The following CHAF1A variants were observed in gnomAD, a reference collection of about 807,000 sequenced individuals.
CHAF1A encodes chromatin assembly factor 1 subunit A, also known as CAF-1 subunit A.
A neutral mutation model predicts 93.2 loss-of-function variants in CHAF1A; 5 were observed. That is an observed-to-expected ratio of 0.05 (90% CI 0.03 to 0.11). The LOEUF (loss-of-function observed/expected upper bound fraction) is 0.11. Ranked by LOEUF, CHAF1A falls within the 10% of genes least tolerant of loss-of-function variation. The pLI is 1.00. For missense variants in CHAF1A, 1,102 were observed against 1,259.9 expected, an observed-to-expected ratio of 0.87 and a Z score of 1.90; for synonymous variants, 504 against 510.3, an observed-to-expected ratio of 0.99 and a Z score of 0.17.
At chr19:4,437,826 A>C (rs572167036) in intron 13 of CHAF1A, among the ~76,000 whole-genome samples, 12 of 151,388 alleles carry the variant, frequency 7.9e-5, no homozygotes, top group Admixed American at 3.3e-4. Flanking sequence ...TGCAAGCTCC[A>C]CCTCCTGGGT....
chr19:4,434,181 T>C (rs551203317), intron 13 of CHAF1A, among the ~76,000 whole-genome samples: 1 of 151,870 alleles, frequency 6.6e-6, no homozygotes, highest in East Asian at 2.0e-4. Flanking sequence ...ACCCCATCTC[T>C]AAGAAAAAAT....
chr19:4,447,609 G>A (rs147341905), downstream of CHAF1A: 72 of 1,613,926 alleles, frequency 4.5e-5, no homozygotes, highest in African/African-American at 7.6e-4. Flanking sequence ...GGGTGCAGGT[G>A]GATGTTGTCC....
intron 13 of CHAF1A, among the ~76,000 whole-genome samples, chr19:4,439,657 A>G (rs1974350833): frequency 6.6e-6 from 1 of 152,214 alleles, no homozygotes; most frequent in Non-Finnish European, 1.5e-5. Flanking sequence ...ACGTCCCCAG[A>G]CACCTCCAGA....
At position 4,429,147 on chromosome 19, in the gene CHAF1A, C is replaced by T; in HGVS notation, c.1604+257C>T. 3 of 591,178 alleles carry T rather than the reference C, an allele frequency of 5.1e-6. No homozygotes were observed. The East Asian group carries it at 8.5e-5, about 17-fold the overall frequency. The allele number at this position is 591,178 out of a possible 1,614,324, so 36.6% of individuals were successfully genotyped here. On this transcript the variant is annotated intron_variant, in intron 8 of 14. Coordinates refer to ENST00000301280, the MANE Select transcript of CHAF1A (RefSeq NM_005483.3). ...CCTGCTGGTCTCCAGTGAAGGATACCCCCCAACACCTCGCTCTTGCAAATC... is the reference window on the plus strand; with the variant it reads ...CCTGCTGGTCTCCAGTGAAGGATACTCCCCAACACCTCGCTCTTGCAAATC...
intron 3 of CHAF1A, among the ~76,000 whole-genome samples, chr19:4,412,800 T>C (rs1973829976): frequency 6.6e-6 from 1 of 152,132 alleles, no homozygotes; most frequent in African/African-American, 2.4e-5. Context: ...ATCCCAACTT[T>C]TCAGATAATT....
At chr19:4,429,936 C>G in intron 10 of CHAF1A, 148 bp downstream of exon 10, 1 of 667,370 alleles carries the variant, frequency 1.5e-6, no homozygotes. Flanking sequence ...CCTGAACGCA[C>G]CTCAACATCC....
chr19:4,406,369 C>G (rs1973680406), intron 2 of CHAF1A, among the ~76,000 whole-genome samples: 1 of 152,036 alleles, frequency 6.6e-6, no homozygotes, highest in Admixed American at 6.6e-5. Flanking sequence ...TAAATGCTCC[C>G]AAATCCTTCT....
intron 12 of CHAF1A, among the ~76,000 whole-genome samples, chr19:4,432,630 C>T (rs764508154): frequency 6.6e-6 from 1 of 151,974 alleles, no homozygotes; most frequent in Non-Finnish European, 1.5e-5. Context: ...TGTGGTATCA[C>T]GCACCTGTGA....
At chr19:4,443,621 TG>T (rs1456793598), downstream of CHAF1A, among the ~76,000 whole-genome samples, 1 of 152,126 alleles carries the variant, frequency 6.6e-6, no homozygotes, top group Non-Finnish European at 1.5e-5. Context: ...TGCCCTGGGT[TG>T]GGGGGTTAGG....
intron 11 of CHAF1A, 131 bp downstream of exon 11, chr19:4,430,772 C>G: frequency 1.1e-6 from 1 of 886,732 alleles, no homozygotes; most frequent in Non-Finnish European, 1.8e-6. Context: ...ATTCCAAGCA[C>G]GCAAGCTCAC....
rs1210497842 is a variant in CHAF1A, at chr19:4,429,528, C to G, written c.1695C>G (p.Asn565Lys). 6.2e-7 allele frequency: 1 copy of G among 1,613,958 alleles called. No homozygotes were observed. The highest frequency in any genetic ancestry group is 1.1e-5 in the South Asian group (1 of 91,066). The part of the protein sequence containing the change: ...GRMKLLQFCE[N>K]HRPAYWGTWN... ...TGAAGCTCCTGCAGTTCTGTGAGAACCACCGGCCTGCCTACTGGGGTACCT... is the reference window on the plus strand; with the variant it reads ...TGAAGCTCCTGCAGTTCTGTGAGAAGCACCGGCCTGCCTACTGGGGTACCT... Residue 565 changes from asparagine to lysine, a missense_variant, in exon 9 of 15, where the codon AAC (asparagine) becomes AAG (lysine). Coordinates refer to ENST00000301280, the MANE Select transcript of CHAF1A (RefSeq NM_005483.3).
chr19:4,446,631 CGCAGCCA>C (rs1568188795), downstream of CHAF1A: 1 of 1,612,516 alleles, frequency 6.2e-7, no homozygotes, highest in Non-Finnish European at 8.5e-7. Flanking sequence ...GCACGGGCTC[CGCAGCCA>C]GCAGCTGTTC....
chr19:4,408,231 C>A (rs1367005402), intron 2 of CHAF1A, among the ~76,000 whole-genome samples: 1 of 148,644 alleles, frequency 6.7e-6, no homozygotes, highest in Non-Finnish European at 1.5e-5. Flanking sequence ...TCGCTCAGGT[C>A]GCCCAGGCTG....
At chr19:4,429,104 G>A (rs545705643) in intron 8 of CHAF1A, 14 of 594,758 alleles carry the variant, frequency 2.4e-5, no homozygotes, top group Middle Eastern at 4.4e-4. Context: ...CCAGCTCCTC[G>A]TGGAGGAATC....
chr19:4,441,185 C>T (rs1213344530), intron 13 of CHAF1A, among the ~76,000 whole-genome samples: 1 of 151,934 alleles, frequency 6.6e-6, no homozygotes, highest in African/African-American at 2.4e-5. Flanking sequence ...GGTGTGGTGG[C>T]AGGTGGCTGT....
At chr19:4,429,200 A>C in intron 8 of CHAF1A, 1 of 601,350 alleles carries the variant, frequency 1.7e-6, no homozygotes, top group Non-Finnish European at 2.9e-6. Context: ...CCTTGCTAAA[A>C]ATGCTCTGGG....
intron 2 of CHAF1A, among the ~76,000 whole-genome samples, chr19:4,408,016 C>T (rs1973711766): frequency 6.6e-6 from 1 of 151,706 alleles, no homozygotes; most frequent in African/African-American, 2.4e-5. Flanking sequence ...CCCCCCACCC[C>T]CTCTTTTTTT....
At chr19:4,447,598 G>C (rs560614219), downstream of CHAF1A, 3 of 1,613,914 alleles carry the variant, frequency 1.9e-6, no homozygotes, top group Non-Finnish European at 1.7e-6. Flanking sequence ...TCTCCTCCTC[G>C]GGGTGCAGGT....
intron 13 of CHAF1A, among the ~76,000 whole-genome samples, chr19:4,435,534 C>T (rs892107390): frequency 6.6e-6 from 1 of 152,106 alleles, no homozygotes; most frequent in African/African-American, 2.4e-5. Context: ...CATGCCACCA[C>T]ACCCAGCTAA....
Sources: allele counts gnomAD v4.1 joint callset (sites outside exome capture counted in the v4.1 genomes callset), GRCh38; gene constraint gnomAD v4.1.1; transcripts MANE v1.5; gene names NCBI Gene and HGNC (gene_info 2026-07-23, HGNC 2026-07-21).